The following DLG2 variants were observed in gnomAD, a reference collection of about 807,000 sequenced individuals.
DLG2 encodes the protein disks large homolog 2.
A neutral mutation model predicts 132.5 loss-of-function variants in DLG2; 45 were observed. The observed-to-expected ratio is 0.34, with a 90% CI of 0.27 to 0.44. DLG2 has a LOEUF of 0.44. DLG2 is among the 20% of genes least tolerant of loss of function. DLG2 has a pLI of 1.00. For missense variants in DLG2, 1,045 were observed against 1,196.9 expected (o/e 0.87, Z 1.87); for synonymous variants, 424 against 419.6 (o/e 1.01, Z -0.13).
At chr11:85,312,792 C>T (rs2080399315) in intron 3 of DLG2, among the ~76,000 whole-genome samples, 1 of 151,988 alleles carries the variant, frequency 6.6e-6, no homozygotes, top group Admixed American at 6.6e-5. Context: ...TCCACTTCAA[C>T]TTGTTTTCCA....
At chr11:85,523,875 T>C (rs1480337180) in intron 3 of DLG2, among the ~76,000 whole-genome samples, 1 of 152,150 alleles carries the variant, frequency 6.6e-6, no homozygotes, top group Non-Finnish European at 1.5e-5. Context: ...GCGGTACATA[T>C]ACACAATGGA....
chr11:84,534,539 A>G (rs1312376179), intron 7 of DLG2, 31 bp downstream of exon 7: 2 of 1,606,580 alleles, frequency 1.2e-6, no homozygotes, highest in Admixed American at 1.7e-5. Flanking sequence ...ACTGTCACCA[A>G]CTATAAAGTC....
At chr11:84,496,274 C>T (rs1002393859) in intron 7 of DLG2, among the ~76,000 whole-genome samples, 4 of 152,126 alleles carry the variant, frequency 2.6e-5, no homozygotes, top group Non-Finnish European at 5.9e-5. Flanking sequence ...GTTCAGAACT[C>T]GCTGATGAAC....
At chr11:84,344,172 C>T (rs555232609) in intron 7 of DLG2, among the ~76,000 whole-genome samples, 34 of 152,278 alleles carry the variant, frequency 2.2e-4, no homozygotes, top group Middle Eastern at 6.8e-3. Flanking sequence ...TTTGAAGCCT[C>T]TTTGAAAAGG....
At chr11:84,637,624 T>C (rs563084499) in intron 6 of DLG2, among the ~76,000 whole-genome samples, 2 of 152,342 alleles carry the variant, frequency 1.3e-5, no homozygotes, top group South Asian at 2.1e-4. Flanking sequence ...ACTTCATTTG[T>C]TCTTGTCTGG....
Position 85,389,549 on chromosome 11 carries a change from C to T in DLG2, c.41-104184G>A, listed in dbSNP as rs147443975. 2.9e-3 allele frequency among the ~76,000 whole-genome samples: 444 copies of T among 152,256 alleles called. 1 individual carries two copies. The highest frequency in any genetic ancestry group is 0.01 in the African/African-American group (430 of 41,558). Reference sequence around the variant, plus strand: ...TTGCAAAAAGAGCATCACACAGGCACACAGTCATCAGGTTATCTAAAGTCA... The same window carrying T: ...TTGCAAAAAGAGCATCACACAGGCATACAGTCATCAGGTTATCTAAAGTCA... On this transcript the variant is annotated intron_variant, in intron 3 of 27. Coordinates refer to ENST00000376104, the MANE Select transcript of DLG2 (RefSeq NM_001142699.3).
chr11:84,144,400 G>C (rs924258412), intron 9 of DLG2, among the ~76,000 whole-genome samples: 7 of 152,110 alleles, frequency 4.6e-5, no homozygotes, highest in African/African-American at 1.7e-4. Context: ...CGTGCTCATA[G>C]AGAAGGGTGG....
intron 6 of DLG2, among the ~76,000 whole-genome samples, chr11:84,954,919 T>G (rs2051440758): frequency 6.6e-6 from 1 of 152,138 alleles, no homozygotes; most frequent in Admixed American, 6.5e-5. Context: ...TACACGAGGG[T>G]TGGCAACCAT....
At chr11:84,591,350 T>A (rs1399715892) in intron 6 of DLG2, among the ~76,000 whole-genome samples, 2 of 151,446 alleles carry the variant, frequency 1.3e-5, no homozygotes, top group East Asian at 3.9e-4. Flanking sequence ...TGTTTGTTTG[T>A]TTCCCTCAGC....
chr11:85,430,447 A>T (rs1226845210), intron 3 of DLG2, among the ~76,000 whole-genome samples: 2 of 152,194 alleles, frequency 1.3e-5, no homozygotes, highest in Admixed American at 1.3e-4. Context: ...AAATCTAATT[A>T]TCCTATAATA....
chr11:84,408,355 A>G (rs1289639752), intron 7 of DLG2, among the ~76,000 whole-genome samples: 3 of 147,100 alleles, frequency 2.0e-5, no homozygotes, highest in Non-Finnish European at 3.0e-5. Flanking sequence ...ATATATATAT[A>G]TTATTATACT....
intron 7 of DLG2, among the ~76,000 whole-genome samples, chr11:84,275,259 T>A (rs1349953111): frequency 1.3e-5 from 2 of 152,256 alleles, no homozygotes; most frequent in Non-Finnish European, 2.9e-5. Context: ...ATAGTCTTTG[T>A]GTGTGGAAAC....
chr11:85,516,264 C>T (rs1429464526), intron 3 of DLG2, among the ~76,000 whole-genome samples: 1 of 151,866 alleles, frequency 6.6e-6, no homozygotes, highest in African/African-American at 2.4e-5. Context: ...TAAAAAGAGA[C>T]ACAATACACC....
rs564119832 is a variant in DLG2, at chr11:84,287,959, T to TA, written c.520-36669dup. Reference sequence around the variant, plus strand: ...AAAAGCAAAGAAATGGAGTTTGGATTAAAAAAATAGTATGGAAACGGGAGA... The same window carrying TA: ...AAAAGCAAAGAAATGGAGTTTGGATTAAAAAAAATAGTATGGAAACGGGAGA... On this transcript the variant is annotated intron_variant, in intron 7 of 27. Transcript: ENST00000376104. 5.8e-4 allele frequency among the ~76,000 whole-genome samples: 66 copies of TA among 113,258 alleles called. 1 individual carries two copies. In the South Asian group the frequency reaches 0.018, roughly 31 times the overall value. The allele number at this position is 113,258 out of a possible 152,430, so 74.3% of individuals were successfully genotyped here.
intron 15 of DLG2, among the ~76,000 whole-genome samples, chr11:83,889,164 C>A (rs1462063951): frequency 1.3e-5 from 2 of 151,998 alleles, no homozygotes; most frequent in South Asian, 2.1e-4. Flanking sequence ...TCAGAGTGAA[C>A]AGGAAACCTA....
intron 26 of DLG2, among the ~76,000 whole-genome samples, chr11:83,464,638 A>G (rs1591278860): frequency 6.6e-6 from 1 of 152,296 alleles, no homozygotes; most frequent in East Asian, 1.9e-4. Context: ...AGTGGCTGTG[A>G]CAGTGCCCTA....
chr11:85,605,848 G>A (rs955712746), intron 2 of DLG2, among the ~76,000 whole-genome samples: 5 of 152,056 alleles, frequency 3.3e-5, no homozygotes, highest in Admixed American at 6.6e-5. Flanking sequence ...ACATGGTTGC[G>A]GGTGCCTGTA....
chr11:83,952,593 G>T (rs1265344620), intron 14 of DLG2, among the ~76,000 whole-genome samples: 1 of 152,110 alleles, frequency 6.6e-6, no homozygotes, highest in African/African-American at 2.4e-5. Context: ...GTAAATTATG[G>T]TTCAGTTATA....
intron 7 of DLG2, among the ~76,000 whole-genome samples, chr11:84,486,659 G>A (rs1411045593): frequency 6.6e-6 from 1 of 152,002 alleles, no homozygotes; most frequent in Non-Finnish European, 1.5e-5. Context: ...GCAAATGCAG[G>A]AAAAAGTCCT....
Sources: allele counts gnomAD v4.1 joint callset (sites outside exome capture counted in the v4.1 genomes callset), GRCh38; gene constraint gnomAD v4.1.1; transcripts MANE v1.5; gene names NCBI Gene and HGNC (gene_info 2026-07-23, HGNC 2026-07-21).